ARFGEF2: variants seen among roughly 807,000 people sequenced by gnomAD.
The protein encoded by ARFGEF2 is ARF guanine nucleotide exchange factor 2.
Under a neutral mutation model 219.9 loss-of-function variants are expected in ARFGEF2, and 74 were observed. The ratio of observed to expected loss-of-function variants is 0.34; its 90% CI spans 0.28 to 0.41. The LOEUF (loss-of-function observed/expected upper bound fraction) is 0.41. Ranked by LOEUF, ARFGEF2 falls within the 10% of genes least tolerant of loss-of-function variation. ARFGEF2 has a pLI of 1.00. For synonymous variants in ARFGEF2, 733 were observed against 799.2 expected, an observed-to-expected ratio of 0.92 and a Z score of 1.40; for missense variants, 1,743 against 2,218.3, an observed-to-expected ratio of 0.79 and a Z score of 4.30.
rs184724833 is a variant in ARFGEF2 at position 49,001,303 on chromosome 20, G to A, written c.3432+2798G>A. ...GATCTGCTCGCCTCAGCCTCCGAAAGTGTTGCGATTACAGGCATGAACCAC... is the reference window on the plus strand; with the variant it reads ...GATCTGCTCGCCTCAGCCTCCGAAAATGTTGCGATTACAGGCATGAACCAC... On this transcript the variant is annotated intron_variant, in intron 25 of 38. Transcript: ENST00000371917. Among the ~76,000 whole-genome samples the A allele has an allele frequency of 2.0e-5, 3 of 152,210 alleles. No individual in the cohort carries two copies. In the East Asian group the frequency reaches 5.8e-4, roughly 29 times the overall value.
chr20:48,940,245 C>T (rs529545235), intron 1 of ARFGEF2, among the ~76,000 whole-genome samples: 1 of 152,348 alleles, frequency 6.6e-6, no homozygotes, highest in African/African-American at 2.4e-5. Flanking sequence ...AAAAAAGTCA[C>T]ACGTGCCTTA....
chr20:49,006,278 G>C (rs933081142), intron 26 of ARFGEF2, among the ~76,000 whole-genome samples: 1 of 152,076 alleles, frequency 6.6e-6, no homozygotes, highest in East Asian at 1.9e-4. Flanking sequence ...TGGGCAACAA[G>C]AGCGAAATGC....
In ARFGEF2 at chr20:48,988,679, A is replaced by G; in HGVS notation, c.2533+17A>G. On this transcript the variant is annotated intron_variant, in intron 18 of 38. Coordinates refer to ENST00000371917, the MANE Select transcript of ARFGEF2 (RefSeq NM_006420.3). ...CTAAGCAGAGTAAGGTCTAATGGCA[A>G]ATTATTTCTTTTAGTTCTAATTTTT... 1 of 1,609,156 alleles carries G rather than the reference A, an allele frequency of 6.2e-7. No individual in the cohort carries two copies. The highest frequency in any genetic ancestry group is 2.2e-5 in the East Asian group (1 of 44,704).
rs573126681 is a variant in ARFGEF2, at chr20:48,958,497, C to T, written c.838+4707C>T. On this transcript the variant is annotated intron_variant, in intron 6 of 38. Transcript: ENST00000371917. ...TGTCGCCCAGGCTGGAGTGCAGTGGCACAATCTCGGCTCACTGCAAGCTCC... is the reference window on the plus strand; with the variant it reads ...TGTCGCCCAGGCTGGAGTGCAGTGGTACAATCTCGGCTCACTGCAAGCTCC... Among the ~76,000 whole-genome samples, 390 of 151,258 alleles carry T rather than the reference C, an allele frequency of 2.6e-3. 1 individual carries two copies. The highest frequency in any genetic ancestry group is 3.9e-3 in the Non-Finnish European group (265 of 67,872).
chr20:48,999,137 T>C lies in ARFGEF2; in HGVS notation c.3432+632T>C, dbSNP rs533827218. The C allele has an allele frequency of 1.1e-5, 4 of 365,498 alleles. No individual in the cohort carries two copies. In the East Asian group the frequency reaches 2.4e-4, roughly 22 times the overall value. 22.6% of individuals were successfully genotyped at this position (365,498 alleles called of 1,614,324 possible). A position where few individuals can be genotyped will look rare whatever the true frequency, so the allele number is the denominator to read the frequency against. ...CCTGTAATCCCAGCTACTAGGGAGATTGAGGCAGGAGAATTGCTTGAACCT... is the reference window on the plus strand; with the variant it reads ...CCTGTAATCCCAGCTACTAGGGAGACTGAGGCAGGAGAATTGCTTGAACCT... On this transcript the variant is annotated intron_variant, in intron 25 of 38. Coordinates refer to ENST00000371917, the MANE Select transcript of ARFGEF2 (RefSeq NM_006420.3).
At chr20:49,032,831 G>C (rs1213255923) in intron 38 of ARFGEF2, among the ~76,000 whole-genome samples, 192 bp from the exon 39 acceptor site, 1 of 151,994 alleles carries the variant, frequency 6.6e-6, no homozygotes, top group Non-Finnish European at 1.5e-5. Context: ...GAGCTCAAGC[G>C]ATCCACCTGC....
chr20:49,001,517 A>G lies in ARFGEF2; in HGVS notation c.3432+3012A>G, dbSNP rs116301659. The stretch of plus-strand genomic sequence containing the variant: ...CACAGTCACATGATTCTCTTGAACT[A>G]GGGGCACCAGCCCTGTGTCCTGGAT... On this transcript the variant is annotated intron_variant, in intron 25 of 38. Transcript: ENST00000371917. 3.6e-3 allele frequency among the ~76,000 whole-genome samples: 549 copies of G among 152,294 alleles called. 6 individuals are homozygous for G. Among genetic ancestry groups the G allele is most frequent in the African/African-American group, 0.012 (502 of 41,558 alleles).
chr20:48,923,671 G>T (rs1042047039), intron 1 of ARFGEF2, among the ~76,000 whole-genome samples: 21 of 152,342 alleles, frequency 1.4e-4, no homozygotes, highest in South Asian at 4.1e-4. Flanking sequence ...GTTGAAATCT[G>T]CCTGGACTCT....
intron 27 of ARFGEF2, among the ~76,000 whole-genome samples, chr20:49,010,701 G>A (rs1324915905): frequency 6.6e-6 from 1 of 152,144 alleles, no homozygotes; most frequent in East Asian, 1.9e-4. Context: ...TCAATCCCAA[G>A]GCCACTCTAA....
chr20:49,024,233 A>G (rs2091586896), intron 35 of ARFGEF2, among the ~76,000 whole-genome samples: 1 of 152,146 alleles, frequency 6.6e-6, no homozygotes. Flanking sequence ...TCAGCCTCCC[A>G]AAGTGTTGGG....
Position 48,972,392 on chromosome 20 carries a change from A to C in ARFGEF2, c.1492A>C (p.Met498Leu). 1 of 1,614,108 alleles carries C rather than the reference A, an allele frequency of 6.2e-7. No individual in the cohort carries two copies. ...AACAAGTTCTTTTGAGCACAGGTGG[A>C]TGGTCATTCAGACTCTGACGAGGAT... ...TSTSSFEHRWMVIQTLTRICA... is the reference protein window; with the variant it reads ...TSTSSFEHRWLVIQTLTRICA... The change falls in exon 11 of 39, where the codon ATG (methionine) becomes CTG (leucine). Residue 498 changes from methionine to leucine, a missense_variant. Physicochemically the swap from Met to Leu is conservative, Grantham distance 15. Around this residue, in one of 5 missense-constraint regions of ARFGEF2, gnomAD observed 666 missense variants for 955.4 expected, o/e 0.70. Transcript: ENST00000371917.
In ARFGEF2 at chr20:48,972,963, G is replaced by A. The variant is rs115525861; in HGVS notation, c.1526-182G>A. ...TGAGATTTCAATTTGCTCAGAAGCA[G>A]GCCTAAAAACAACCTCCTGTCTTCC... On this transcript the variant is annotated intron_variant, in intron 11 of 38. Transcript: ENST00000371917. Among the ~76,000 whole-genome samples the A allele has an allele frequency of 3.6e-3, 549 of 152,266 alleles. 3 individuals are homozygous for A. Among genetic ancestry groups the A allele is most frequent in the African/African-American group, 0.013 (529 of 41,536 alleles).
intron 8 of ARFGEF2, among the ~76,000 whole-genome samples, chr20:48,968,258 G>C (rs997600301): frequency 2.6e-5 from 4 of 152,104 alleles, no homozygotes; most frequent in Non-Finnish European, 5.9e-5. Context: ...CTCCCAAAGT[G>C]CTGGGATTAC....
In ARFGEF2 at chr20:48,948,587, T is replaced by C. The variant is rs147805699; in HGVS notation, c.277-2736T>C. On this transcript the variant is annotated intron_variant, in intron 3 of 38. Coordinates refer to ENST00000371917, the MANE Select transcript of ARFGEF2 (RefSeq NM_006420.3). ...TTCATGTGGGTGGGATAACTTGTAA[T>C]ACAGCTTACTTACCCTAACCTCTGT... 1.9e-3 allele frequency among the ~76,000 whole-genome samples: 293 copies of C among 152,354 alleles called. 1 individual carries two copies. The highest frequency in any genetic ancestry group is 6.7e-3 in the African/African-American group (280 of 41,582).
chr20:48,959,687 G>A lies in ARFGEF2; in HGVS notation c.839-4143G>A, dbSNP rs1249441435. The stretch of plus-strand genomic sequence containing the variant: ...TGCAGTGGCGCAATCTCAAATCACT[G>A]CAACCTCTGCCTCTCAGGCTCAAGT... On this transcript the variant is annotated intron_variant, in intron 6 of 38. Coordinates refer to ENST00000371917, the MANE Select transcript of ARFGEF2 (RefSeq NM_006420.3). Among the ~76,000 whole-genome samples the A allele has an allele frequency of 3.4e-5, 5 of 146,752 alleles. No individual in the cohort carries two copies. In the East Asian group the frequency reaches 6.2e-4, roughly 18 times the overall value.
At chr20:49,022,129 A>T (rs2091568518) in intron 34 of ARFGEF2, among the ~76,000 whole-genome samples, 2 of 128,502 alleles carry the variant, frequency 1.6e-5, no homozygotes, top group East Asian at 2.6e-4. Flanking sequence ...CACTCCAGCC[A>T]GGGTGACAAA....
At chr20:48,987,625 T>C (rs555284033) in intron 16 of ARFGEF2, among the ~76,000 whole-genome samples, 2 of 152,270 alleles carry the variant, frequency 1.3e-5, no homozygotes, top group African/African-American at 4.8e-5. Flanking sequence ...AAGCGCTTAG[T>C]GTGTGAAATA....
At position 49,036,019 on chromosome 20, in the gene ARFGEF2, T is replaced by G. The variant is rs886056773; in HGVS notation, c.*2820T>G. 4 of 396,604 alleles carry G rather than the reference T, an allele frequency of 1.0e-5. No homozygotes were observed. The highest frequency in any genetic ancestry group is 7.2e-5 in the East Asian group (2 of 27,906). The allele number at this position is 396,604 out of a possible 1,614,324, so 24.6% of individuals were successfully genotyped here. A position where few individuals can be genotyped will look rare whatever the true frequency, so the allele number is the denominator to read the frequency against. On this transcript the variant is annotated 3_prime_UTR_variant, in exon 39 of 39. Coordinates refer to ENST00000371917, the MANE Select transcript of ARFGEF2 (RefSeq NM_006420.3). ...AAAAAAAAAAAACCTGTATTTTTTT[T>G]GTTGTTCTTTTGTGATTAAGGATAT...
At chr20:48,954,489 G>T (rs1215673291) in intron 6 of ARFGEF2, among the ~76,000 whole-genome samples, 1 of 152,154 alleles carries the variant, frequency 6.6e-6, no homozygotes, top group Non-Finnish European at 1.5e-5. Context: ...AAGTGATTCT[G>T]TCAAATGCTT....
Sources: gnomAD v4.1 joint callset for allele counts (sites outside exome capture counted in the v4.1 genomes callset) on GRCh38, gnomAD v4.1.1 for gene constraint, gnomAD v4.1.1 regional missense constraint, MANE v1.5 for transcripts, NCBI Gene and HGNC (gene_info 2026-07-23, HGNC 2026-07-21) for gene names.